Variants in FAHD1 observed in about 807,000 individuals in gnomAD.
The protein encoded by FAHD1 is oxaloacetate tautomerase FAHD1, mitochondrial.
FAHD1 carries 14 observed loss-of-function variants against 12.7 expected under a neutral mutation model. That is an observed-to-expected ratio of 1.10 (90% CI 0.73 to 1.72). FAHD1 has a LOEUF of 1.72. Among genes scored for constraint, FAHD1 ranks in the 40% most tolerant of loss-of-function variants. The pLI, the probability that FAHD1 is intolerant of heterozygous loss-of-function variation, is 0.00. For synonymous variants in FAHD1, 153 were observed against 124.9 expected (o/e 1.22, Z -1.50); for missense variants, 351 against 298.9 (o/e 1.17, Z -1.29).
At chr16:1,839,143 T>G (rs932404571) in intron 2 of FAHD1, 2 of 1,277,942 alleles carry the variant, frequency 1.6e-6, no homozygotes, top group Non-Finnish European at 2.1e-6. Context: ...TCCCAGGCTG[T>G]TTATTAGTGA....
chr16:1,829,036 A>C (rs1898573842), downstream of FAHD1: 1 of 501,032 alleles, frequency 2.0e-6, no homozygotes, highest in Non-Finnish European at 2.6e-6. Flanking sequence ...TAACACAGTT[A>C]ATCAGCAACT....
exon 1 of FAHD1, chr16:1,828,805 G>A: frequency 5.0e-6 from 5 of 997,314 alleles, no homozygotes; most frequent in Non-Finnish European, 6.0e-6. Flanking sequence ...AACAAGTAAT[G>A]AAGATTTCAC....
chr16:1,839,090 T>C (rs1898827982), intron 2 of FAHD1, among the ~76,000 whole-genome samples: 2 of 152,238 alleles, frequency 1.3e-5, no homozygotes. Context: ...ATATGTAACA[T>C]TTGTTCATCA....
exon 2 of FAHD1, chr16:1,838,062 T>C (rs769142272): frequency 4.8e-5 from 51 of 1,068,846 alleles, no homozygotes; most frequent in Admixed American, 5.3e-5. Flanking sequence ...AGCAGTGCTA[T>C]CACAGCTCAC....
chr16:1,834,264 GT>G, intron 1 of FAHD1: 1 of 1,590,310 alleles, frequency 6.3e-7, no homozygotes, highest in Non-Finnish European at 8.6e-7. Flanking sequence ...TTTTAAACAT[GT>G]TTTTGTCCAG....
At chr16:1,829,973 C>T (rs1312125831), downstream of FAHD1, among the ~76,000 whole-genome samples, 1 of 151,992 alleles carries the variant, frequency 6.6e-6, no homozygotes, top group Admixed American at 6.6e-5. Context: ...AAGTGATTCT[C>T]CTGCCTCAGC....
At chr16:1,832,332 G>A (rs530005960), downstream of FAHD1, among the ~76,000 whole-genome samples, 211 of 150,400 alleles carry the variant, frequency 1.4e-3, no homozygotes, top group Non-Finnish European at 2.3e-3. Context: ...CACCACACCC[G>A]GCTAATTTTT....
downstream of FAHD1, among the ~76,000 whole-genome samples, chr16:1,830,915 TATACAC>T (rs1567269128): frequency 2.7e-5 from 1 of 37,528 alleles, no homozygotes; most frequent in African/African-American, 1.0e-4. Flanking sequence ...TCTCTCTCTC[TATACAC>T]ACACACACAC....
At chr16:1,839,462 T>TA in exon 3 of FAHD1, 1 of 1,582,518 alleles carries the variant, frequency 6.3e-7, no homozygotes, top group East Asian at 2.2e-5. Context: ...AAGACAATGA[T>TA]AAAATGTGAT....
chr16:1,828,590 C>T (rs928487267), exon 1 of FAHD1: 1 of 999,798 alleles, frequency 1.0e-6, no homozygotes, highest in Non-Finnish European at 1.2e-6. Flanking sequence ...ACCAAATTTT[C>T]TTAGATTTGG....
chr16:1,832,457 C>T (rs1477111779), downstream of FAHD1, among the ~76,000 whole-genome samples: 3 of 149,728 alleles, frequency 2.0e-5, no homozygotes, highest in African/African-American at 7.3e-5. Flanking sequence ...AGGCGTGAGC[C>T]ACCGCGCCTG....
intron 1 of FAHD1, among the ~76,000 whole-genome samples, chr16:1,834,984 G>A (rs1269931786): frequency 6.7e-6 from 1 of 149,538 alleles, no homozygotes; most frequent in Non-Finnish European, 1.5e-5. Context: ...GCTGGGTGAG[G>A]TGGCTCATGC....
chr16:1,838,038 C>T, exon 2 of FAHD1: 1 of 1,329,682 alleles, frequency 7.5e-7, no homozygotes, highest in South Asian at 1.6e-5. Flanking sequence ...ACTCTGTCGC[C>T]CAAGCTGGAG....
downstream of FAHD1, among the ~76,000 whole-genome samples, chr16:1,832,630 T>C (rs552488388): frequency 6.6e-6 from 1 of 151,972 alleles, no homozygotes; most frequent in South Asian, 2.1e-4. Flanking sequence ...CTACAAAATG[T>C]TTTAAAATTA....
downstream of FAHD1, among the ~76,000 whole-genome samples, chr16:1,831,993 CTTGT>C (rs139691626): frequency 5.9e-3 from 896 of 152,106 alleles, 33 homozygotes; most frequent in East Asian, 0.11. Flanking sequence ...ATCATTGGCA[CTTGT>C]TTGTTTCCTT....
chr16:1,837,431 C>G (rs1382939793), intron 1 of FAHD1, among the ~76,000 whole-genome samples: 2 of 152,128 alleles, frequency 1.3e-5, no homozygotes, highest in African/African-American at 4.8e-5. Flanking sequence ...GCCTCAAACT[C>G]CTGGGTTCAG....
exon 1 of FAHD1, chr16:1,828,462 T>G (rs1325232202): frequency 2.0e-6 from 2 of 1,000,858 alleles, no homozygotes; most frequent in African/African-American, 3.5e-5. Context: ...ACTTTCCTTT[T>G]GTAAAACTGG....
At chr16:1,827,297 T>A in exon 1 of FAHD1, 2 of 1,613,104 alleles carry the variant, frequency 1.2e-6, no homozygotes, top group Non-Finnish European at 1.7e-6. Context: ...ATCGTCTGCG[T>A]GGGGAGGAAC....
At chr16:1,830,233 C>T (rs903031617), downstream of FAHD1, among the ~76,000 whole-genome samples, 2 of 152,262 alleles carry the variant, frequency 1.3e-5, no homozygotes, top group Non-Finnish European at 2.9e-5. Context: ...TTAGCTGACA[C>T]ATTTCTGCAG....
Sources: gnomAD v4.1 joint callset for allele counts (sites outside exome capture counted in the v4.1 genomes callset) on GRCh38, gnomAD v4.1.1 for gene constraint, MANE v1.5 for transcripts, NCBI Gene and HGNC (gene_info 2026-07-23, HGNC 2026-07-21) for gene names.